PDE4D: variants seen among roughly 807,000 people sequenced by gnomAD.
PDE4D encodes the protein 3',5'-cyclic-AMP phosphodiesterase 4D.
In PDE4D, 24 loss-of-function variants were observed where a neutral mutation model predicts 87.4. That is an observed-to-expected ratio of 0.27 (90% CI 0.20 to 0.39). The LOEUF (loss-of-function observed/expected upper bound fraction) is 0.39. PDE4D is among the 10% of genes least tolerant of loss of function. The pLI is 1.00. For synonymous variants in PDE4D, 384 were observed against 383.2 expected (o/e 1.00, Z -0.02); for missense variants, 714 against 1,041.0 (o/e 0.69, Z 4.32).
In PDE4D at chr5:59,525,246, G is replaced by A. The variant is rs567825719; in HGVS notation, c.456-309278C>T. Reference sequence around the variant, plus strand: ...CCACAGGGGTGGAGCTGCCAAAGTGGTGGGGACCCAACTCTTGCAACAGCA... The same window carrying A: ...CCACAGGGGTGGAGCTGCCAAAGTGATGGGGACCCAACTCTTGCAACAGCA... On this transcript the variant is annotated intron_variant, in intron 1 of 14. Transcript: ENST00000340635. Among the ~76,000 whole-genome samples, 156 of 152,360 alleles carry A rather than the reference G, an allele frequency of 1.0e-3. 1 individual carries two copies. Among genetic ancestry groups the A allele is most frequent in the African/African-American group, 3.6e-3 (149 of 41,588 alleles).
At chr5:59,014,594 A>G (rs1753582714) in intron 6 of PDE4D, among the ~76,000 whole-genome samples, 1 of 152,204 alleles carries the variant, frequency 6.6e-6, no homozygotes, top group Non-Finnish European at 1.5e-5. Flanking sequence ...AAGGGATGTG[A>G]AGGACCTTTT....
intron 1 of PDE4D, among the ~76,000 whole-genome samples, chr5:59,606,036 T>C (rs1424867416): frequency 1.3e-5 from 2 of 152,094 alleles, no homozygotes; most frequent in African/African-American, 2.4e-5. Context: ...GATATACATA[T>C]ATTCATATGT....
intron 1 of PDE4D, among the ~76,000 whole-genome samples, chr5:59,403,129 A>ATAGGTAGGTAGGTAGGTAGG (rs151232838): frequency 8.2e-4 from 120 of 146,568 alleles, no homozygotes; most frequent in Admixed American, 2.3e-3. Flanking sequence ...TTGGTACATA[A>ATAGGTAGGTAGGTAGGTAGG]TAGGTAGGTA....
intron 1 of PDE4D, among the ~76,000 whole-genome samples, chr5:59,301,797 C>G (rs999322263): frequency 3.9e-5 from 6 of 151,912 alleles, no homozygotes; most frequent in Non-Finnish European, 8.8e-5. Context: ...GAATGTCAGG[C>G]AACAGTCAGG....
At chr5:59,329,592 C>T (rs1776343301) in intron 1 of PDE4D, among the ~76,000 whole-genome samples, 1 of 152,146 alleles carries the variant, frequency 6.6e-6, no homozygotes, top group African/African-American at 2.4e-5. Flanking sequence ...TTTGGATTAT[C>T]ACAATACTTT....
chr5:59,197,584 T>A (rs1745744780), intron 2 of PDE4D, among the ~76,000 whole-genome samples: 1 of 152,212 alleles, frequency 6.6e-6, no homozygotes, highest in African/African-American at 2.4e-5. Context: ...TTAAAACAGA[T>A]CTTTTCAGAC....
chr5:60,508,889 TTTTA>T (rs10644681), intron 1 of PDE4D, among the ~76,000 whole-genome samples: 2 of 151,020 alleles, frequency 1.3e-5, no homozygotes, highest in African/African-American at 4.9e-5. Flanking sequence ...CTTTCTTTTC[TTTTA>T]TTTATTTATT....
intron 3 of PDE4D, among the ~76,000 whole-genome samples, chr5:59,931,573 C>T (rs963409286): frequency 6.6e-6 from 1 of 152,080 alleles, no homozygotes; most frequent in Admixed American, 6.5e-5. Flanking sequence ...CCTTCCAGTC[C>T]CAATCCCATG....
intron 1 of PDE4D, among the ~76,000 whole-genome samples, chr5:60,202,923 C>T (rs1228728953): frequency 6.6e-6 from 1 of 152,150 alleles, no homozygotes; most frequent in East Asian, 1.9e-4. Flanking sequence ...AAAAAAGACA[C>T]ATGGATGTGC....
chr5:59,326,315 G>A (rs1775650808), intron 1 of PDE4D, among the ~76,000 whole-genome samples: 1 of 151,744 alleles, frequency 6.6e-6, no homozygotes, highest in Non-Finnish European at 1.5e-5. Context: ...TTTCATTTTT[G>A]TACTTTTGTG....
chr5:59,213,909 C>T (rs1404958944), intron 2 of PDE4D, among the ~76,000 whole-genome samples: 1 of 152,034 alleles, frequency 6.6e-6, no homozygotes, highest in Non-Finnish European at 1.5e-5. Flanking sequence ...TTTCTACTCT[C>T]TGCCCTTTGT....
rs1289630388 is a variant in PDE4D at position 59,445,658 on chromosome 5, G to A, written c.456-229690C>T. 5.3e-5 allele frequency among the ~76,000 whole-genome samples: 8 copies of A among 152,160 alleles called. No homozygotes were observed. In the East Asian group the frequency reaches 1.3e-3, roughly 26 times the overall value. On this transcript the variant is annotated intron_variant, in intron 1 of 14. Coordinates refer to ENST00000340635, the MANE Select transcript of PDE4D (RefSeq NM_001104631.2). ...TTGAGTAGTTTCCGGCAACTTGTAA[G>A]CATAGTTTAAATCCAGTCTTAATCA... is the stretch of plus-strand genomic sequence containing the variant.
At chr5:59,478,789 T>C (rs1039053267) in intron 1 of PDE4D, among the ~76,000 whole-genome samples, 1 of 152,026 alleles carries the variant, frequency 6.6e-6, no homozygotes, top group Admixed American at 6.6e-5. Context: ...TAAATATAAG[T>C]ATTAAAAACT....
At chr5:59,365,965 T>C (rs1157891099) in intron 1 of PDE4D, among the ~76,000 whole-genome samples, 1 of 152,190 alleles carries the variant, frequency 6.6e-6, no homozygotes, top group Non-Finnish European at 1.5e-5. Flanking sequence ...GTCTAAAATA[T>C]AAACTTGATA....
intron 2 of PDE4D, among the ~76,000 whole-genome samples, chr5:59,992,073 T>C (rs1407471692): frequency 6.6e-6 from 1 of 152,182 alleles, no homozygotes; most frequent in Non-Finnish European, 1.5e-5. Flanking sequence ...TCTTCTGGCC[T>C]GCATCTTTCT....
intron 5 of PDE4D, among the ~76,000 whole-genome samples, chr5:59,134,536 G>T (rs1327588167): frequency 6.6e-6 from 1 of 152,096 alleles, no homozygotes. Context: ...ATGTTAAAAC[G>T]AAACCCTGGC....
At chr5:60,506,359 T>C (rs1750322588) in intron 1 of PDE4D, among the ~76,000 whole-genome samples, 1 of 152,228 alleles carries the variant, frequency 6.6e-6, no homozygotes, top group African/African-American at 2.4e-5. Flanking sequence ...GGAAAATACT[T>C]TGGGAAATCC....
At chr5:59,044,813 G>A (rs1177788902) in intron 5 of PDE4D, among the ~76,000 whole-genome samples, 2 of 152,178 alleles carry the variant, frequency 1.3e-5, no homozygotes, top group Admixed American at 6.5e-5. Flanking sequence ...AAAGATGTGT[G>A]CAATTTTGTG....
In PDE4D at chr5:59,576,846, T is replaced by C. The variant is rs76795701; in HGVS notation, c.455+316322A>G. 1.5e-4 allele frequency among the ~76,000 whole-genome samples: 23 copies of C among 152,298 alleles called. 1 individual carries two copies. In the East Asian group the frequency reaches 4.0e-3, roughly 27 times the overall value. On this transcript the variant is annotated intron_variant, in intron 1 of 14. Coordinates refer to ENST00000340635, the MANE Select transcript of PDE4D (RefSeq NM_001104631.2). The stretch of plus-strand genomic sequence containing the variant: ...TAAAAAATAGGACTTTTCCCACAAA[T>C]ATTTTCTTCTTTTAAAATTAACACA...
Sources: gnomAD v4.1 joint callset for allele counts (sites outside exome capture counted in the v4.1 genomes callset) on GRCh38, gnomAD v4.1.1 for gene constraint, MANE v1.5 for transcripts, NCBI Gene and HGNC (gene_info 2026-07-23, HGNC 2026-07-21) for gene names.